The following ETV6 variants were observed in gnomAD, a reference collection of about 807,000 sequenced individuals.
The protein encoded by ETV6 is transcription factor ETV6.
In ETV6, 16 loss-of-function variants were observed where a neutral mutation model predicts 51.1. The ratio of observed to expected loss-of-function variants is 0.31; its 90% CI spans 0.21 to 0.48. The LOEUF (loss-of-function observed/expected upper bound fraction) is 0.48, where lower values mean the gene tolerates loss of function less well. Ranked by LOEUF, ETV6 falls within the 20% of genes least tolerant of loss-of-function variation. The pLI is 0.99. For synonymous variants in ETV6, 240 were observed against 224.1 expected (o/e 1.07, Z -0.64); for missense variants, 458 against 594.8 (o/e 0.77, Z 2.39).
chr12:11,663,294 G>A (rs555456235), intron 1 of ETV6, among the ~76,000 whole-genome samples: 7 of 152,300 alleles, frequency 4.6e-5, no homozygotes, highest in African/African-American at 1.4e-4. Flanking sequence ...GAATTAGCAC[G>A]CTCTAGGGAG....
chr12:11,685,014 G>T (rs1423381393), intron 1 of ETV6, among the ~76,000 whole-genome samples: 1 of 152,114 alleles, frequency 6.6e-6, no homozygotes, highest in Non-Finnish European at 1.5e-5. Flanking sequence ...GTCAGGGAAG[G>T]CCTAGGAGGT....
intron 3 of ETV6, among the ~76,000 whole-genome samples, chr12:11,846,694 C>T (rs1420512723): frequency 6.6e-6 from 1 of 152,064 alleles, no homozygotes; most frequent in African/African-American, 2.4e-5. Context: ...ACTAGCTAAA[C>T]AAACTTGGGG....
chr12:11,682,742 G>A (rs1348681295), intron 1 of ETV6, among the ~76,000 whole-genome samples: 2 of 152,086 alleles, frequency 1.3e-5, no homozygotes, highest in Non-Finnish European at 2.9e-5. Flanking sequence ...AATCCATCTT[G>A]AGTTAATTTT....
At chr12:11,670,202 G>T (rs1047051310) in intron 1 of ETV6, among the ~76,000 whole-genome samples, 3 of 152,182 alleles carry the variant, frequency 2.0e-5, no homozygotes, top group Non-Finnish European at 2.9e-5. Context: ...TATCAAGCAC[G>T]CCTTTCAGGA....
At chr12:11,874,902 C>G (rs376615835) in intron 5 of ETV6, among the ~76,000 whole-genome samples, 276 of 99,362 alleles carry the variant, frequency 2.8e-3, no homozygotes, top group African/African-American at 0.011. Flanking sequence ...GTTATGGGGT[C>G]GGGGGAGGGG....
intron 5 of ETV6, among the ~76,000 whole-genome samples, chr12:11,872,520 CAG>C (rs1946896640): frequency 7.4e-6 from 1 of 135,344 alleles, no homozygotes; most frequent in East Asian, 2.1e-4. Flanking sequence ...TTTTTTGAGA[CAG>C]AGTCTCTGTC....
At chr12:11,721,966 T>G (rs1198834794) in intron 1 of ETV6, among the ~76,000 whole-genome samples, 1 of 152,218 alleles carries the variant, frequency 6.6e-6, no homozygotes, top group Non-Finnish European at 1.5e-5. Flanking sequence ...TCCATCACCC[T>G]GGCATTTTTG....
At chr12:11,878,757 C>T (rs1947035117) in intron 5 of ETV6, among the ~76,000 whole-genome samples, 2 of 150,782 alleles carry the variant, frequency 1.3e-5, no homozygotes, top group Admixed American at 6.7e-5. Context: ...TCAACACACA[C>T]CTGGCTGCAC....
intron 1 of ETV6, among the ~76,000 whole-genome samples, chr12:11,730,372 C>T (rs558581929): frequency 3.5e-4 from 53 of 152,330 alleles, no homozygotes; most frequent in Non-Finnish European, 7.5e-4. Context: ...CTTGACAAGT[C>T]CTGTACAAAC....
chr12:11,744,365 C>T (rs931902948), intron 1 of ETV6, among the ~76,000 whole-genome samples: 1 of 152,204 alleles, frequency 6.6e-6, no homozygotes, highest in African/African-American at 2.4e-5. Context: ...AGGATACAAG[C>T]TGCTGTTAAT....
intron 2 of ETV6, among the ~76,000 whole-genome samples, chr12:11,791,114 C>A (rs1333150136): frequency 6.6e-6 from 1 of 152,224 alleles, no homozygotes; most frequent in African/African-American, 2.4e-5. Flanking sequence ...TATATCACAT[C>A]TTTCCTTACT....
At chr12:11,882,558 G>A (rs999651365) in intron 5 of ETV6, among the ~76,000 whole-genome samples, 1 of 152,220 alleles carries the variant, frequency 6.6e-6, no homozygotes, top group East Asian at 1.9e-4. Context: ...GTAAGGGTCA[G>A]ATGTAACCAG....
chr12:11,710,743 G>GT (rs1865158479), intron 1 of ETV6, among the ~76,000 whole-genome samples: 1 of 152,210 alleles, frequency 6.6e-6, no homozygotes, highest in Non-Finnish European at 1.5e-5. Flanking sequence ...TGATAGGAAA[G>GT]TATTGCTTTT....
chr12:11,847,181 C>G (rs1306897045), intron 3 of ETV6, among the ~76,000 whole-genome samples: 1 of 152,148 alleles, frequency 6.6e-6, no homozygotes, highest in East Asian at 1.9e-4. Context: ...TCTTGGTGAC[C>G]ACTTTCATGT....
chr12:11,705,519 G>T (rs1012219436), intron 1 of ETV6, among the ~76,000 whole-genome samples: 2 of 152,082 alleles, frequency 1.3e-5, no homozygotes, highest in South Asian at 4.1e-4. Flanking sequence ...GACTCTTCTC[G>T]GCCTGAGTAG....
chr12:11,843,293 T>C (rs1308379089), intron 3 of ETV6, among the ~76,000 whole-genome samples: 1 of 152,188 alleles, frequency 6.6e-6, no homozygotes, highest in Non-Finnish European at 1.5e-5. Flanking sequence ...AGGGGCAAGA[T>C]CTAGATTGAA....
At chr12:11,835,059 T>C (rs1946295779) in intron 2 of ETV6, among the ~76,000 whole-genome samples, 1 of 152,250 alleles carries the variant, frequency 6.6e-6, no homozygotes, top group Non-Finnish European at 1.5e-5. Flanking sequence ...TGAATGTGGC[T>C]GCCCATTAAA....
intron 1 of ETV6, among the ~76,000 whole-genome samples, chr12:11,669,373 T>TCCCTTCCTCCCTCCCTCCATCCCTCCCTC (rs1864262418): frequency 7.7e-6 from 1 of 129,342 alleles, no homozygotes; most frequent in African/African-American, 3.3e-5. Context: ...CTTCCTCCCT[T>TCCCTTCCTCCCTCCCTCCATCCCTCCCTC]CCTCCCTCCC....
chr12:11,660,665 C>G (rs1237864274), intron 1 of ETV6, among the ~76,000 whole-genome samples: 1 of 150,338 alleles, frequency 6.7e-6, no homozygotes, highest in Non-Finnish European at 1.5e-5. Flanking sequence ...TTGTTAACTG[C>G]TTTAAAGAAC....
Sources: allele counts gnomAD v4.1 joint callset (sites outside exome capture counted in the v4.1 genomes callset), GRCh38; gene constraint gnomAD v4.1.1; transcripts MANE v1.5; gene names NCBI Gene and HGNC (gene_info 2026-07-23, HGNC 2026-07-21).